SUGCT: variants seen among roughly 807,000 people sequenced by gnomAD.
SUGCT encodes the protein succinyl-CoA:glutarate CoA-transferase.
SUGCT carries 41 observed loss-of-function variants against 55.0 expected under a neutral mutation model. That is an observed-to-expected ratio of 0.74 (90% CI 0.58 to 0.97). The LOEUF is 0.97. Ranked by LOEUF, SUGCT falls within the 50% of genes least tolerant of loss-of-function variation. The pLI is 0.00. For missense variants in SUGCT, 568 were observed against 547.8 expected, an observed-to-expected ratio of 1.04 and a Z score of -0.37; for synonymous variants, 187 against 200.4, an observed-to-expected ratio of 0.93 and a Z score of 0.56.
chr7:40,365,995 G>A (rs549881406), intron 9 of SUGCT, among the ~76,000 whole-genome samples: 1 of 152,212 alleles, frequency 6.6e-6, no homozygotes, highest in South Asian at 2.1e-4. Context: ...GAGGCATCAC[G>A]CTACCTGACT....
At chr7:40,850,966 G>C (rs1182026493) in intron 13 of SUGCT, among the ~76,000 whole-genome samples, 4 of 152,110 alleles carry the variant, frequency 2.6e-5, no homozygotes, top group Non-Finnish European at 5.9e-5. Context: ...TGTGTGCCTG[G>C]TACTGTTCTC....
chr7:40,821,646 C>A (rs531829514), intron 13 of SUGCT, among the ~76,000 whole-genome samples: 7 of 151,946 alleles, frequency 4.6e-5, no homozygotes, highest in Admixed American at 1.3e-4. Context: ...CTGTTTGATT[C>A]TTCTCTCTTT....
intron 12 of SUGCT, among the ~76,000 whole-genome samples, chr7:40,728,224 A>G (rs1411804447): frequency 6.6e-6 from 1 of 152,206 alleles, no homozygotes; most frequent in Non-Finnish European, 1.5e-5. Flanking sequence ...CTTATTAAGG[A>G]TATACATATT....
chr7:40,498,548 G>A (rs1792108478), intron 12 of SUGCT, among the ~76,000 whole-genome samples: 1 of 152,164 alleles, frequency 6.6e-6, no homozygotes, highest in African/African-American at 2.4e-5. Context: ...TTCAGGGCTG[G>A]TTGTAAAACC....
the SUGCT span, among the ~76,000 whole-genome samples, chr7:40,900,314 G>A: frequency 6.6e-6 from 1 of 152,192 alleles, no homozygotes; most frequent in Non-Finnish European, 1.5e-5. Context: ...GAATTGTGAA[G>A]TTGATTGCCT....
At chr7:40,772,558 CTATCTGG>C (rs1789202453) in intron 13 of SUGCT, among the ~76,000 whole-genome samples, 24 of 132,362 alleles carry the variant, frequency 1.8e-4, no homozygotes, top group Non-Finnish European at 2.6e-4. Context: ...ATCTATCTAT[CTATCTGG>C]TGTTATCTAT....
chr7:40,571,832 T>C (rs565122078), intron 12 of SUGCT, among the ~76,000 whole-genome samples: 3 of 152,192 alleles, frequency 2.0e-5, no homozygotes, highest in Non-Finnish European at 4.4e-5. Flanking sequence ...ATGTGTAAAA[T>C]GATGTTCAAG....
intron 7 of SUGCT, among the ~76,000 whole-genome samples, chr7:40,269,306 A>C (rs561692274): frequency 1.3e-5 from 2 of 151,456 alleles, no homozygotes; most frequent in South Asian, 2.1e-4. Flanking sequence ...TACTTTTTTA[A>C]TTTTTTATTT....
At chr7:40,899,714 A>C in the SUGCT span, among the ~76,000 whole-genome samples, 15 of 152,146 alleles carry the variant, frequency 9.9e-5, no homozygotes, top group Admixed American at 9.8e-4. Context: ...TCTTAAGGAA[A>C]TTAAACACAA....
intron 9 of SUGCT, among the ~76,000 whole-genome samples, chr7:40,343,664 TA>T (rs1228872371): frequency 1.5e-4 from 23 of 152,072 alleles, no homozygotes; most frequent in Non-Finnish European, 2.5e-4. Context: ...ATTTTATTAT[TA>T]TTTTTTTTTG....
chr7:40,324,261 A>ATATATATATATACATATATATT (rs377215730), intron 9 of SUGCT, among the ~76,000 whole-genome samples: 3 of 99,980 alleles, frequency 3.0e-5, no homozygotes, highest in Non-Finnish European at 5.9e-5. Context: ...AAATATATAT[A>ATATATATATATACATATATATT]TATTTATTTT....
chr7:40,407,479 A>T (rs940307589), intron 9 of SUGCT, among the ~76,000 whole-genome samples: 27 of 152,114 alleles, frequency 1.8e-4, no homozygotes, highest in Admixed American at 1.8e-3. Flanking sequence ...ATTAAAAAAA[A>T]GAAGTACGTC....
chr7:40,560,233 C>T (rs1287863232), intron 12 of SUGCT, among the ~76,000 whole-genome samples: 1 of 152,074 alleles, frequency 6.6e-6, no homozygotes, highest in East Asian at 1.9e-4. Flanking sequence ...AAAATCTGAG[C>T]ATTTGGAAAG....
intron 9 of SUGCT, among the ~76,000 whole-genome samples, chr7:40,327,379 C>A (rs536819843): frequency 1.3e-5 from 2 of 152,282 alleles, no homozygotes; most frequent in Non-Finnish European, 2.9e-5. Flanking sequence ...CCAGCTGCGG[C>A]ATAATAGCTG....
intron 13 of SUGCT, among the ~76,000 whole-genome samples, chr7:40,810,939 A>C (rs1791376692): frequency 6.6e-6 from 1 of 152,170 alleles, no homozygotes; most frequent in Non-Finnish European, 1.5e-5. Flanking sequence ...ATTTTTGTAT[A>C]TCGTGAAAGG....
intron 9 of SUGCT, among the ~76,000 whole-genome samples, chr7:40,348,455 AGG>A (rs1391737825): frequency 6.6e-6 from 1 of 152,110 alleles, no homozygotes; most frequent in Non-Finnish European, 1.5e-5. Context: ...AGTCCTTCCT[AGG>A]GTCAGATGAT....
intron 13 of SUGCT, among the ~76,000 whole-genome samples, chr7:40,795,178 T>C (rs1049305508): frequency 2.0e-5 from 3 of 151,996 alleles, no homozygotes; most frequent in Admixed American, 6.6e-5. Flanking sequence ...GGATAACTTA[T>C]ACCCCTGTCT....
chr7:40,284,476 C>T (rs543467845), intron 8 of SUGCT, among the ~76,000 whole-genome samples: 4 of 151,728 alleles, frequency 2.6e-5, no homozygotes, highest in African/African-American at 4.8e-5. Flanking sequence ...GGTGTGGTGG[C>T]GGGCACCTGT....
At chr7:40,719,680 T>G (rs964324945) in intron 12 of SUGCT, among the ~76,000 whole-genome samples, 3 of 152,150 alleles carry the variant, frequency 2.0e-5, no homozygotes, top group African/African-American at 7.2e-5. Flanking sequence ...GATGAGAATC[T>G]GTTGGGCGAG....
Sources: allele counts gnomAD v4.1 joint callset (sites outside exome capture counted in the v4.1 genomes callset), GRCh38; gene constraint gnomAD v4.1.1; transcripts MANE v1.5; gene names NCBI Gene and HGNC (gene_info 2026-07-23, HGNC 2026-07-21).